Variants in CSMD3 observed in about 807,000 individuals in gnomAD.
CSMD3 encodes CUB and sushi domain-containing protein 3.
A neutral mutation model predicts 435.2 loss-of-function variants in CSMD3; 177 were observed. That is an observed-to-expected ratio of 0.41 (90% CI 0.36 to 0.46). CSMD3 has a LOEUF of 0.46. Ranked by LOEUF, CSMD3 falls within the 20% of genes least tolerant of loss-of-function variation. CSMD3 has a pLI of 0.34. For missense variants in CSMD3, 4,265 were observed against 4,504.6 expected (o/e 0.95, Z 1.52); for synonymous variants, 1,656 against 1,520.5 (o/e 1.09, Z -2.07).
chr8:113,181,482 A>G (rs946851207), intron 3 of CSMD3, among the ~76,000 whole-genome samples: 11 of 152,228 alleles, frequency 7.2e-5, no homozygotes, highest in Admixed American at 6.6e-4. Context: ...TACAAGGACA[A>G]GTCATTAGTT....
chr8:112,490,473 A>G lies in CSMD3; in HGVS notation c.5278+2016T>C, dbSNP rs183394613. Among the ~76,000 whole-genome samples, 477 of 152,286 alleles carry G rather than the reference A, an allele frequency of 3.1e-3. 5 individuals are homozygous for G. The highest frequency in any genetic ancestry group is 0.011 in the African/African-American group (460 of 41,558). On this transcript the variant is annotated intron_variant, in intron 31 of 70. Coordinates refer to ENST00000297405, the MANE Select transcript of CSMD3 (RefSeq NM_198123.2). ...ACTGACATTTCTATGACCTATTGGA[A>G]AGGAGTATGATTATATTAGGTGGGC...
intron 3 of CSMD3, among the ~76,000 whole-genome samples, chr8:113,177,571 G>A (rs1358699166): frequency 6.6e-6 from 1 of 151,884 alleles, no homozygotes; most frequent in Non-Finnish European, 1.5e-5. Flanking sequence ...ATTGCAGTAG[G>A]GGAGGCAGTA....
chr8:112,429,275 T>G (rs955692889), intron 32 of CSMD3, among the ~76,000 whole-genome samples: 2 of 152,094 alleles, frequency 1.3e-5, no homozygotes, highest in African/African-American at 4.8e-5. Context: ...AGATCCCACA[T>G]ATGACAGATC....
chr8:113,369,361 A>T (rs2094333229), intron 1 of CSMD3, among the ~76,000 whole-genome samples: 1 of 151,922 alleles, frequency 6.6e-6, no homozygotes, highest in African/African-American at 2.4e-5. Context: ...ATAAGATATG[A>T]CCTCACTCCT....
intron 9 of CSMD3, among the ~76,000 whole-genome samples, chr8:112,929,864 G>T (rs1388669452): frequency 2.6e-5 from 4 of 151,878 alleles, no homozygotes; most frequent in South Asian, 2.1e-4. Context: ...TTTTTTTTCT[G>T]TGACAGAAAT....
chr8:112,786,060 G>A (rs7464843), intron 13 of CSMD3, among the ~76,000 whole-genome samples: 33,684 of 151,990 alleles, frequency 0.22, 4,278 homozygotes, highest in East Asian at 0.41. Flanking sequence ...AAACAGCATG[G>A]TAGTGGCAAT....
At chr8:113,282,395 C>T (rs1194724990) in intron 2 of CSMD3, among the ~76,000 whole-genome samples, 1 of 151,860 alleles carries the variant, frequency 6.6e-6, no homozygotes, top group Non-Finnish European at 1.5e-5. Flanking sequence ...ATACAAGATC[C>T]AAGATTAATG....
At chr8:112,564,733 C>T (rs1323076041) in intron 24 of CSMD3, among the ~76,000 whole-genome samples, 1 of 151,998 alleles carries the variant, frequency 6.6e-6, no homozygotes, top group Non-Finnish European at 1.5e-5. Flanking sequence ...TATTTGTTGG[C>T]AAGAGAATCT....
At chr8:112,462,594 T>C (rs1563568123) in intron 32 of CSMD3, among the ~76,000 whole-genome samples, 1 of 152,182 alleles carries the variant, frequency 6.6e-6, no homozygotes, top group South Asian at 2.1e-4. Context: ...GAGCATATTA[T>C]AGTGAAATTC....
intron 32 of CSMD3, among the ~76,000 whole-genome samples, chr8:112,445,009 G>A (rs187765542): frequency 5.9e-5 from 9 of 152,230 alleles, no homozygotes; most frequent in Non-Finnish European, 1.5e-5. Context: ...TTGGGAGGCC[G>A]AAGGGGGCAG....
At chr8:112,902,951 TG>T (rs2082146527) in intron 10 of CSMD3, among the ~76,000 whole-genome samples, 1 of 151,256 alleles carries the variant, frequency 6.6e-6, no homozygotes, top group African/African-American at 2.4e-5. Flanking sequence ...TAAGGTAGTT[TG>T]GTCATTGAAT....
chr8:112,600,854 T>A (rs1426932913), intron 22 of CSMD3, among the ~76,000 whole-genome samples: 1 of 152,086 alleles, frequency 6.6e-6, no homozygotes, highest in African/African-American at 2.4e-5. Context: ...ATTTTATGTA[T>A]TTTTAGTAGA....
rs75958099 is a variant in CSMD3 at position 112,270,540 on chromosome 8, A to G, written c.9509-4950T>C. On this transcript the variant is annotated intron_variant, in intron 59 of 70. Coordinates refer to ENST00000297405, the MANE Select transcript of CSMD3 (RefSeq NM_198123.2). ...AAGTTACTTCACTGATCTGTGAAAT[A>G]TTAGGGAGCAGATACCTTACCGACT... is the stretch of plus-strand genomic sequence containing the variant. 1.4e-3 allele frequency among the ~76,000 whole-genome samples: 215 copies of G among 152,264 alleles called. 1 individual carries two copies. The highest frequency in any genetic ancestry group is 4.7e-3 in the African/African-American group (196 of 41,580).
At chr8:113,360,265 T>C (rs543705685) in intron 1 of CSMD3, among the ~76,000 whole-genome samples, 2 of 152,260 alleles carry the variant, frequency 1.3e-5, no homozygotes, top group South Asian at 2.1e-4. Flanking sequence ...CCAGGTTTTA[T>C]ACCCTACTTC....
At chr8:112,843,454 A>C (rs1356990251) in intron 11 of CSMD3, among the ~76,000 whole-genome samples, 8 of 152,074 alleles carry the variant, frequency 5.3e-5, no homozygotes, top group Non-Finnish European at 7.4e-5. Flanking sequence ...CTAATCCAAA[A>C]AAAAGCTGTG....
chr8:112,286,984 T>C (rs564457430), intron 58 of CSMD3, 80 bp downstream of exon 58: 1 of 1,138,436 alleles, frequency 8.8e-7, no homozygotes, highest in South Asian at 1.2e-5. Flanking sequence ...AAGAGTAATT[T>C]TCCTAGTAGT....
chr8:113,095,732 G>C (rs534125348), intron 5 of CSMD3, among the ~76,000 whole-genome samples: 2 of 152,144 alleles, frequency 1.3e-5, no homozygotes, highest in African/African-American at 4.8e-5. Context: ...TATGTACAAA[G>C]CATTTGCATT....
At chr8:112,513,953 T>C (rs1307328898) in intron 28 of CSMD3, among the ~76,000 whole-genome samples, 2 of 152,186 alleles carry the variant, frequency 1.3e-5, no homozygotes, top group African/African-American at 4.8e-5. Context: ...ATGTTATATA[T>C]GTATATTCCT....
chr8:112,371,761 G>A (rs1182522762), intron 38 of CSMD3, among the ~76,000 whole-genome samples: 2 of 151,942 alleles, frequency 1.3e-5, no homozygotes, highest in East Asian at 3.9e-4. Context: ...GGTGGTGCAT[G>A]CCTGTAATCC....
Sources: gnomAD v4.1 joint callset for allele counts (sites outside exome capture counted in the v4.1 genomes callset) on GRCh38, gnomAD v4.1.1 for gene constraint, MANE v1.5 for transcripts, NCBI Gene and HGNC (gene_info 2026-07-23, HGNC 2026-07-21) for gene names.